DMC1: variants seen among roughly 807,000 people sequenced by gnomAD.
DMC1 encodes DNA meiotic recombinase 1.
A neutral mutation model predicts 50.1 loss-of-function variants in DMC1; 27 were observed. That is an observed-to-expected ratio of 0.54 (90% confidence interval 0.40 to 0.74). The LOEUF (loss-of-function observed/expected upper bound fraction) is 0.74. Ranked by LOEUF, DMC1 falls within the 30% of genes least tolerant of loss-of-function variation. The pLI is 0.00. For missense variants in DMC1, 295 were observed against 420.2 expected (o/e 0.70, Z 2.60); for synonymous variants, 148 against 136.1 (o/e 1.09, Z -0.61).
In DMC1 at chr22:38,538,492, ATAT is replaced by A. The variant is rs766473627; in HGVS notation, c.660+44_660+46del. On this transcript the variant is annotated intron_variant, in intron 10 of 13. Transcript: ENST00000216024. ...TTGAATAGAGATCAATAGAAGAAAA[ATAT>A]TATGCTAAATAGCTCTGTGAAAGCA... The A allele has an allele frequency of 3.1e-6, 5 of 1,607,228 alleles. No homozygotes were observed. The African/African-American group carries it at 6.7e-5, about 21-fold the overall frequency.
At chr22:38,535,230 C>G (rs569580067) in intron 12 of DMC1, among the ~76,000 whole-genome samples, 1 of 150,622 alleles carries the variant, frequency 6.6e-6, no homozygotes, top group Non-Finnish European at 1.5e-5. Context: ...ACCTGGGAGG[C>G]GGAGACTGCA....
At chr22:38,511,039 C>G in the DMC1 span, among the ~76,000 whole-genome samples, 2 of 152,102 alleles carry the variant, frequency 1.3e-5, no homozygotes, top group African/African-American at 4.8e-5. Flanking sequence ...GAGGCTGAGG[C>G]GGGAGGGTCG....
chr22:38,521,032 G>A (rs1003669556), intron 13 of DMC1, among the ~76,000 whole-genome samples: 12 of 151,984 alleles, frequency 7.9e-5, no homozygotes, highest in South Asian at 2.1e-4. Context: ...CCACTGTGCC[G>A]GGCCAAAATC....
chr22:38,567,436 G>C, intron 3 of DMC1, 147 bp downstream of exon 3: 4 of 723,286 alleles, frequency 5.5e-6, no homozygotes, highest in Non-Finnish European at 7.7e-6. Flanking sequence ...TGCAGTGAGT[G>C]AGTAGAGGCC....
At chr22:38,517,349 ACC>A (rs2089982964), downstream of DMC1, among the ~76,000 whole-genome samples, 1 of 152,066 alleles carries the variant, frequency 6.6e-6, no homozygotes, top group African/African-American at 2.4e-5. Context: ...CAGGTGGATC[ACC>A]TGAGGTCAGG....
At chr22:38,527,146 C>G (rs908320210) in intron 12 of DMC1, among the ~76,000 whole-genome samples, 9 of 152,134 alleles carry the variant, frequency 5.9e-5, no homozygotes, top group Admixed American at 2.6e-4. Context: ...CAAATTCTGT[C>G]TGGCTTTTTA....
intron 12 of DMC1, among the ~76,000 whole-genome samples, chr22:38,522,255 T>C (rs1490942282): frequency 6.7e-6 from 1 of 149,972 alleles, no homozygotes; most frequent in Non-Finnish European, 1.5e-5. Context: ...CCAGCCTGAC[T>C]TTAAAAAATG....
the DMC1 span, among the ~76,000 whole-genome samples, chr22:38,512,762 C>T: frequency 6.6e-6 from 1 of 152,122 alleles, no homozygotes; most frequent in African/African-American, 2.4e-5. Flanking sequence ...ATCTAACTGG[C>T]TAACTAAGGC....
At chr22:38,530,691 G>T (rs1370278234) in intron 12 of DMC1, among the ~76,000 whole-genome samples, 1 of 152,120 alleles carries the variant, frequency 6.6e-6, no homozygotes, top group Non-Finnish European at 1.5e-5. Context: ...ACTTGTACAA[G>T]GTCACTATGC....
In DMC1 at chr22:38,519,870, A is replaced by G. The variant is rs2090004798; in HGVS notation, c.*150T>C. The G allele has an allele frequency of 4.6e-6, 3 of 645,852 alleles. No homozygotes were observed. The Admixed American group carries it at 6.7e-5, about 15-fold the overall frequency. The allele number at this position is 645,852 out of a possible 1,614,324, so 40.0% of individuals were successfully genotyped here. ...AGTTATCATAAATCAGGGACTTTTA[A>G]GATAAATATAAGATTTAAATCTCTT... On this transcript the variant is annotated 3_prime_UTR_variant, in exon 14 of 14. Transcript: ENST00000216024.
At chr22:38,531,276 G>A (rs1171102736) in intron 12 of DMC1, among the ~76,000 whole-genome samples, 1 of 152,024 alleles carries the variant, frequency 6.6e-6, no homozygotes, top group African/African-American at 2.4e-5. Context: ...TCATCAACTG[G>A]ATCATTCCAG....
chr22:38,562,233 A>G, intron 5 of DMC1, 54 bp downstream of exon 5: 1 of 1,155,450 alleles, frequency 8.7e-7, no homozygotes, highest in Non-Finnish European at 1.3e-6. Flanking sequence ...GAGGAAAAGA[A>G]ACATGGTATT....
chr22:38,567,835 T>C (rs2090595995), intron 2 of DMC1, among the ~76,000 whole-genome samples: 1 of 152,210 alleles, frequency 6.6e-6, no homozygotes, highest in South Asian at 2.1e-4. Context: ...ACCTTTGTCA[T>C]GTCCTCCCTA....
chr22:38,552,639 A>T, intron 7 of DMC1, 27 bp downstream of exon 7: 2 of 1,476,468 alleles, frequency 1.4e-6, no homozygotes, highest in Non-Finnish European at 1.9e-6. Flanking sequence ...CATGATTATT[A>T]TTGTTATTGT....
At chr22:38,535,842 A>G (rs953938909) in intron 12 of DMC1, among the ~76,000 whole-genome samples, 6 of 149,810 alleles carry the variant, frequency 4.0e-5, no homozygotes, top group Non-Finnish European at 7.4e-5. Flanking sequence ...TCCTGACCTC[A>G]GGTGATCCTC....
chr22:38,509,346 T>G, the DMC1 span, among the ~76,000 whole-genome samples: 3 of 152,188 alleles, frequency 2.0e-5, no homozygotes, highest in South Asian at 4.1e-4. Context: ...CCAGTATGTG[T>G]TGTTCCCCCG....
downstream of DMC1, among the ~76,000 whole-genome samples, chr22:38,516,109 C>T (rs959697896): frequency 1.3e-5 from 2 of 152,308 alleles, no homozygotes; most frequent in Non-Finnish European, 2.9e-5. Context: ...CCTAGAAAAG[C>T]TCAGTGGGCA....
chr22:38,562,799 A>G (rs1276361697), intron 4 of DMC1, among the ~76,000 whole-genome samples: 1 of 150,798 alleles, frequency 6.6e-6, no homozygotes. Context: ...ACATATATAC[A>G]CATATACATA....
intron 12 of DMC1, among the ~76,000 whole-genome samples, chr22:38,535,409 T>C (rs968162761): frequency 1.5e-5 from 2 of 131,290 alleles, no homozygotes; most frequent in Non-Finnish European, 3.3e-5. Context: ...TATGTACACC[T>C]CCACACACAC....
Sources: gnomAD v4.1 joint callset for allele counts (sites outside exome capture counted in the v4.1 genomes callset) on GRCh38, gnomAD v4.1.1 for gene constraint, MANE v1.5 for transcripts, NCBI Gene and HGNC (gene_info 2026-07-23, HGNC 2026-07-21) for gene names.